Variants in STARD13 observed in about 807,000 individuals in gnomAD.
STARD13 encodes stAR-related lipid transfer protein 13.
STARD13 carries 62 observed loss-of-function variants against 106.4 expected under a neutral mutation model. The ratio of observed to expected loss-of-function variants is 0.58; its 90% CI spans 0.48 to 0.72. The LOEUF (loss-of-function observed/expected upper bound fraction) is 0.72, where lower values mean the gene tolerates loss of function less well. STARD13 is among the 30% of genes least tolerant of loss of function. The probability of loss-of-function intolerance (pLI) is 0.00; values close to 1 mark genes in which losing one functional copy is unlikely to be tolerated. For missense variants in STARD13, 1,387 were observed against 1,424.0 expected (o/e 0.97, Z 0.42); for synonymous variants, 565 against 553.0 (o/e 1.02, Z -0.31).
chr13:33,346,402 A>T (rs1339222886), downstream of STARD13, among the ~76,000 whole-genome samples: 3 of 152,320 alleles, frequency 2.0e-5, no homozygotes, highest in African/African-American at 7.2e-5. Context: ...TCCTTCCTAA[A>T]TATGGTCACA....
At chr13:33,451,690 G>A in the STARD13 span, among the ~76,000 whole-genome samples, 1 of 152,138 alleles carries the variant, frequency 6.6e-6, no homozygotes, top group South Asian at 2.1e-4. Context: ...TGTAAAAGAC[G>A]CTGAGATTGT....
chr13:33,107,053 C>T (rs906201946), intron 12 of STARD13, 119 bp from the exon 13 acceptor site: 3 of 924,194 alleles, frequency 3.2e-6, no homozygotes, highest in East Asian at 2.5e-5. Flanking sequence ...GATTCCAATG[C>T]TAGTGACTTG....
chr13:33,118,310 T>TGAG (rs749428818), intron 7 of STARD13, 47 bp from the exon 8 acceptor site: 2 of 1,541,194 alleles, frequency 1.3e-6, no homozygotes, highest in Non-Finnish European at 1.8e-6. Flanking sequence ...CACTTGGTTG[T>TGAG]GAGGAGGAGG....
chr13:33,612,263 C>T, the STARD13 span, among the ~76,000 whole-genome samples: 2 of 152,182 alleles, frequency 1.3e-5, no homozygotes, highest in Non-Finnish European at 2.9e-5. Flanking sequence ...TTAGGAAAGT[C>T]ACCCCTTCCT....
chr13:33,635,909 G>T, the STARD13 span, among the ~76,000 whole-genome samples: 16 of 151,810 alleles, frequency 1.1e-4, no homozygotes, highest in Middle Eastern at 3.2e-3. Context: ...GCGTGAACCC[G>T]GGAGGCAGAG....
the STARD13 span, among the ~76,000 whole-genome samples, chr13:33,399,387 G>A: frequency 6.6e-6 from 1 of 151,886 alleles, no homozygotes; most frequent in Non-Finnish European, 1.5e-5. Flanking sequence ...AACATTTAAT[G>A]ATACAGTTTA....
chr13:33,187,429 G>GAAATAAA (rs1885872369), intron 1 of STARD13, among the ~76,000 whole-genome samples: 1 of 152,152 alleles, frequency 6.6e-6, no homozygotes, highest in South Asian at 2.1e-4. Context: ...GAGAGTGAAA[G>GAAATAAA]AAATAAAAAG....
At chr13:33,674,847 G>T in the STARD13 span, among the ~76,000 whole-genome samples, 1 of 152,090 alleles carries the variant, frequency 6.6e-6, no homozygotes, top group East Asian at 1.9e-4. Flanking sequence ...GCCGAGAATG[G>T]CTCTGATGTC....
the STARD13 span, among the ~76,000 whole-genome samples, chr13:33,518,070 G>A: frequency 1.3e-5 from 2 of 152,078 alleles, no homozygotes; most frequent in African/African-American, 4.8e-5. Flanking sequence ...AGTGAGACTA[G>A]AAGTTGGGGG....
chr13:33,122,206 TC>T (rs1876439565), intron 7 of STARD13, among the ~76,000 whole-genome samples: 1 of 152,196 alleles, frequency 6.6e-6, no homozygotes, highest in Admixed American at 6.5e-5. Context: ...GGCCCTGAAC[TC>T]CTGACCTCAA....
chr13:33,169,109 T>C (rs1255743318), intron 1 of STARD13, among the ~76,000 whole-genome samples: 1 of 152,166 alleles, frequency 6.6e-6, no homozygotes, highest in Non-Finnish European at 1.5e-5. Flanking sequence ...ATGTACCCAT[T>C]CCTGCCATGG....
At chr13:33,661,195 G>C in the STARD13 span, 2 of 152,338 alleles carry the variant, frequency 1.3e-5, no homozygotes, top group South Asian at 4.1e-4. Context: ...GATAGGGGCT[G>C]AACTTGGTGA....
the STARD13 span, among the ~76,000 whole-genome samples, chr13:33,620,105 C>T: frequency 6.6e-6 from 1 of 151,882 alleles, no homozygotes; most frequent in African/African-American, 2.4e-5. Context: ...AATCCATGAC[C>T]ATAATTGGAG....
the STARD13 span, among the ~76,000 whole-genome samples, chr13:33,592,036 C>A: frequency 6.6e-6 from 1 of 152,180 alleles, no homozygotes. Flanking sequence ...TTTTTAGCAA[C>A]ACGGTTTTGA....
chr13:33,626,070 T>C, the STARD13 span, among the ~76,000 whole-genome samples: 2 of 152,176 alleles, frequency 1.3e-5, no homozygotes, highest in African/African-American at 4.8e-5. Context: ...AATGTAAATA[T>C]AAAACTTTTA....
intron 1 of STARD13, among the ~76,000 whole-genome samples, chr13:33,210,163 A>G (rs1169461880): frequency 2.6e-5 from 4 of 152,210 alleles, no homozygotes; most frequent in Non-Finnish European, 5.9e-5. Context: ...GCAAAGAGCC[A>G]GGTCTATTAA....
At chr13:33,468,599 C>A in the STARD13 span, among the ~76,000 whole-genome samples, 1 of 147,030 alleles carries the variant, frequency 6.8e-6, no homozygotes, top group South Asian at 2.4e-4. Flanking sequence ...TCTCTCTCAT[C>A]CTCTCTTTGC....
At chr13:33,500,267 T>C in the STARD13 span, among the ~76,000 whole-genome samples, 2 of 152,202 alleles carry the variant, frequency 1.3e-5, no homozygotes, top group African/African-American at 4.8e-5. Context: ...CTAGGCCTGC[T>C]GAAATCCTGG....
the STARD13 span, among the ~76,000 whole-genome samples, chr13:33,416,676 C>T: frequency 1.1e-4 from 16 of 152,166 alleles, no homozygotes; most frequent in African/African-American, 3.9e-4. Flanking sequence ...CTCTAGACCA[C>T]ACACAAAAAT....
Sources: gnomAD v4.1 joint callset for allele counts (sites outside exome capture counted in the v4.1 genomes callset) on GRCh38, gnomAD v4.1.1 for gene constraint, MANE v1.5 for transcripts, NCBI Gene and HGNC (gene_info 2026-07-23, HGNC 2026-07-21) for gene names.